The following DNAJC2 variants were observed in gnomAD, a reference collection of about 807,000 sequenced individuals.
DNAJC2 encodes dnaJ homolog subfamily C member 2.
DNAJC2 carries 32 observed loss-of-function variants against 94.0 expected under a neutral mutation model. The observed-to-expected ratio is 0.34, with a 90% CI of 0.26 to 0.46. The LOEUF (loss-of-function observed/expected upper bound fraction) is 0.46. DNAJC2 is among the 20% of genes least tolerant of loss of function. The probability of loss-of-function intolerance (pLI) is 1.00; values close to 1 mark genes in which losing one functional copy is unlikely to be tolerated. For missense variants in DNAJC2, 550 were observed against 719.5 expected, an observed-to-expected ratio of 0.76 and a Z score of 2.69; for synonymous variants, 210 against 229.7, an observed-to-expected ratio of 0.91 and a Z score of 0.77.
chr7:103,324,436 T>C (rs776008607), intron 6 of DNAJC2, 46 bp downstream of exon 6: 3 of 1,407,770 alleles, frequency 2.1e-6, no homozygotes, highest in African/African-American at 3.0e-5. Context: ...TGAATACTTT[T>C]CCTTTTAAAA....
chr7:103,324,126 CACTA>C (rs1300619728), intron 6 of DNAJC2, among the ~76,000 whole-genome samples: 6 of 152,212 alleles, frequency 3.9e-5, no homozygotes, highest in Non-Finnish European at 7.4e-5. Flanking sequence ...ATAAAATGGC[CACTA>C]ACTATTGCGC....
chr7:103,317,106 T>G (rs1466754147), intron 12 of DNAJC2, 92 bp from the exon 13 acceptor site: 2 of 1,098,964 alleles, frequency 1.8e-6, no homozygotes, highest in Non-Finnish European at 2.6e-6. Context: ...TCCTCAACTC[T>G]CAATGTCATT....
intron 1 of DNAJC2, chr7:103,344,236 G>A (rs1819507835): frequency 2.7e-6 from 1 of 367,244 alleles, no homozygotes; most frequent in African/African-American, 2.1e-5. Flanking sequence ...TCTTTCCACC[G>A]TAGGCAAGGA....
In DNAJC2 at chr7:103,338,382, C is replaced by T. The variant is rs567707007; in HGVS notation, c.256-571G>A. Among the ~76,000 whole-genome samples the T allele has an allele frequency of 3.4e-4, 51 of 150,974 alleles. No homozygotes were observed. The South Asian group carries it at 8.7e-3, about 26-fold the overall frequency. On this transcript the variant is annotated intron_variant, in intron 2 of 16. Coordinates refer to ENST00000379263, the MANE Select transcript of DNAJC2 (RefSeq NM_014377.3). ...TGCCATCTTGGCTCACTGCAACCTC[C>T]GCCTCCCGGGTTCAAGCAATTCTCC...
Position 103,312,567 on chromosome 7 carries a change from T to C in DNAJC2, c.*2A>G, listed in dbSNP as rs1333298909. On this transcript the variant is annotated 3_prime_UTR_variant, in exon 17 of 17. Transcript: ENST00000379263. ...ATAAAAATGCACACACAACAAAGATTGTCATTTCTTGGCTCTACTTGCATT... is the reference window on the plus strand; with the variant it reads ...ATAAAAATGCACACACAACAAAGATCGTCATTTCTTGGCTCTACTTGCATT... 1 of 1,610,726 alleles carries C rather than the reference T, an allele frequency of 6.2e-7. No individual in the cohort carries two copies. Among genetic ancestry groups the C allele is most frequent in the Non-Finnish European group, 8.5e-7 (1 of 1,179,160 alleles).
At position 103,344,567 on chromosome 7, in the gene DNAJC2, A is replaced by C; in HGVS notation, c.56T>G (p.Leu19Arg). ...GTTGGGTGGGCACTTACCAGAGGTC[A>C]GAGCGTGGGTGATGGCGGTGCCCCG... The part of the protein sequence containing the change: ...DGRGTAITHA[L>R]TSASTLCQVE... The change falls in exon 1 of 17, where the codon CTG (leucine) becomes CGG (arginine). Residue 19 changes from leucine to arginine, a missense_variant. Around this residue, in one of 2 missense-constraint regions of DNAJC2, gnomAD observed 279 missense variants for 416.9 expected, o/e 0.67. Coordinates refer to ENST00000379263, the MANE Select transcript of DNAJC2 (RefSeq NM_014377.3). 1 of 1,613,712 alleles carries C rather than the reference A, an allele frequency of 6.2e-7. No individual in the cohort carries two copies. The highest frequency in any genetic ancestry group is 8.5e-7 in the Non-Finnish European group (1 of 1,179,974).
chr7:103,322,383 C>A (rs1336455370), intron 9 of DNAJC2, 128 bp downstream of exon 9: 1 of 1,000,840 alleles, frequency 1.0e-6, no homozygotes, highest in Non-Finnish European at 1.4e-6. Flanking sequence ...GGTCATGATT[C>A]ATTCACAGTA....
Position 103,322,172 on chromosome 7 carries a change from A to T in DNAJC2, c.934-91T>A. The T allele has an allele frequency of 3.0e-6, 3 of 1,004,914 alleles. No individual in the cohort carries two copies. The South Asian group carries it at 8.1e-5, about 27-fold the overall frequency. 62.2% of individuals were successfully genotyped at this position (1,004,914 alleles called of 1,614,324 possible). ...TAAAAATTTAAACTTTTAATAAATT[A>T]TATTAGGAAAAAAGGCAACATAAAC... On this transcript the variant is annotated intron_variant, in intron 9 of 16. Transcript: ENST00000379263.
At chr7:103,334,896 C>G (rs1398698492) in intron 3 of DNAJC2, among the ~76,000 whole-genome samples, 3 of 152,198 alleles carry the variant, frequency 2.0e-5, no homozygotes, top group African/African-American at 4.8e-5. Flanking sequence ...TGCAATGGTG[C>G]AATCTCGGCT....
At chr7:103,318,280 C>A (rs952661466) in intron 12 of DNAJC2, among the ~76,000 whole-genome samples, 1 of 152,162 alleles carries the variant, frequency 6.6e-6, no homozygotes, top group Admixed American at 6.5e-5. Context: ...ATCCTCTAAC[C>A]TCAGCCTCCT....
intron 1 of DNAJC2, among the ~76,000 whole-genome samples, chr7:103,342,524 C>T (rs894152978): frequency 2.6e-5 from 4 of 151,676 alleles, no homozygotes; most frequent in Non-Finnish European, 2.9e-5. Context: ...AGCCTGGTCT[C>T]GAACTCCCGA....
At chr7:103,327,064 G>A (rs942240918) in intron 4 of DNAJC2, among the ~76,000 whole-genome samples, 3 of 152,062 alleles carry the variant, frequency 2.0e-5, no homozygotes, top group African/African-American at 7.2e-5. Flanking sequence ...AAATATGAAC[G>A]GTGTGCATAC....
In DNAJC2 at chr7:103,322,094, GGA is replaced by G; in HGVS notation, c.934-15_934-14del. 6.3e-7 allele frequency: 1 copy of G among 1,589,976 alleles called. No individual in the cohort carries two copies. Among genetic ancestry groups the G allele is most frequent in the Non-Finnish European group, 8.6e-7 (1 of 1,169,144 alleles). ...CAGCTTGTCTTTGCTTTAAAAAAAG[GGA>G]GTAAAATCATTTTAATAGGTACAGT... On this transcript the variant is annotated splice_polypyrimidine_tract_variant and intron_variant, in intron 9 of 16. Transcript: ENST00000379263.
chr7:103,317,066 T>A (rs1818105762), intron 12 of DNAJC2, 52 bp from the exon 13 acceptor site: 1 of 1,475,406 alleles, frequency 6.8e-7, no homozygotes, highest in African/African-American at 1.4e-5. Flanking sequence ...ATTGCTATTC[T>A]ACACTCTCTT....
chr7:103,312,746 C>CTAAA (rs1817819741), intron 16 of DNAJC2, 103 bp from the exon 17 acceptor site: 11 of 1,538,162 alleles, frequency 7.2e-6, no homozygotes, highest in African/African-American at 1.4e-5. Context: ...ATAGATAGTA[C>CTAAA]TAAATATACT....
At chr7:103,342,800 G>A (rs1246628765) in intron 1 of DNAJC2, among the ~76,000 whole-genome samples, 1 of 151,450 alleles carries the variant, frequency 6.6e-6, no homozygotes, top group African/African-American at 2.4e-5. Flanking sequence ...AGTAAAGACG[G>A]GGTTTCACCA....
rs374132344 is a variant in DNAJC2, at chr7:103,319,691, A to G, written c.1173-13T>C. 2.0e-5 allele frequency: 32 copies of G among 1,614,054 alleles called. No individual in the cohort carries two copies. Among genetic ancestry groups the G allele is most frequent in the Non-Finnish European group, 2.7e-5 (32 of 1,180,010 alleles). On this transcript the variant is annotated splice_polypyrimidine_tract_variant and intron_variant, in intron 11 of 16. Transcript: ENST00000379263. ...CAAGCACTGTAAGCTAAAGAAAAAA[A>G]AAGAAGAAATGAAACTTTATCCTAA...
chr7:103,338,841 C>T (rs1190979773), intron 2 of DNAJC2, among the ~76,000 whole-genome samples: 2 of 151,852 alleles, frequency 1.3e-5, no homozygotes, highest in African/African-American at 4.8e-5. Context: ...ACCTGGGAGG[C>T]GGAGGTTGCA....
intron 1 of DNAJC2, among the ~76,000 whole-genome samples, chr7:103,343,578 T>G (rs897265977): frequency 3.3e-5 from 5 of 152,206 alleles, no homozygotes; most frequent in African/African-American, 1.2e-4. Context: ...CTAGGAAGCT[T>G]GAATGAGACC....
Sources: allele counts gnomAD v4.1 joint callset (sites outside exome capture counted in the v4.1 genomes callset), GRCh38; gene constraint gnomAD v4.1.1; regional missense constraint gnomAD v4.1.1; transcripts MANE v1.5; gene names NCBI Gene and HGNC (gene_info 2026-07-23, HGNC 2026-07-21).